The following FBXO31 variants were observed in gnomAD, a reference collection of about 807,000 sequenced individuals.
FBXO31 encodes the protein F-box protein 31.
In FBXO31, 24 loss-of-function variants were observed where a neutral mutation model predicts 54.4. The observed-to-expected ratio is 0.44, with a 90% confidence interval of 0.32 to 0.62. The LOEUF (loss-of-function observed/expected upper bound fraction) is 0.62. Among genes scored for constraint, FBXO31 ranks in the 20% least tolerant of loss-of-function variants. The pLI is 0.05. For synonymous variants in FBXO31, 388 were observed against 335.6 expected, an observed-to-expected ratio of 1.16 and a Z score of -1.71; for missense variants, 665 against 787.1, an observed-to-expected ratio of 0.84 and a Z score of 1.86.
At position 87,383,748 on chromosome 16, in the gene FBXO31, G is replaced by A. The variant is rs1202343100; in HGVS notation, c.-4C>T. The A allele has an allele frequency of 3.3e-6, 4 of 1,204,054 alleles. No individual in the cohort carries two copies. Among genetic ancestry groups the A allele is most frequent in the Admixed American group, 4.5e-5 (1 of 22,242 alleles). The allele number at this position is 1,204,054 out of a possible 1,614,324, so 74.6% of individuals were successfully genotyped here. A position where few individuals can be genotyped will look rare whatever the true frequency, so the allele number is the denominator to read the frequency against. On this transcript the variant is annotated 5_prime_UTR_variant, in exon 1 of 9. Transcript: ENST00000311635. This position sits in a 1 kb window ranked among gnomAD's most constrained non-coding sequence, Gnocchi z 4.9. ...AAAGGCGAGCACACACCGCCATGCC[G>A]CCCAGTGACGGCCACTGCTGCCGCC...
chr16:87,367,815 C>G (rs1390740159), intron 1 of FBXO31: 1 of 152,188 alleles, frequency 6.6e-6, no homozygotes, highest in African/African-American at 2.4e-5. Flanking sequence ...TTGTTTATGC[C>G]GCCTGAAGTC....
chr16:87,386,090 C>T (rs946326343), upstream of FBXO31: 1 of 151,858 alleles, frequency 6.6e-6, no homozygotes, highest in African/African-American at 2.4e-5. Context: ...AGGGAGTTTT[C>T]AAGGCAATGG....
At chr16:87,364,549 T>C (rs9937099) in intron 1 of FBXO31, among the ~76,000 whole-genome samples, 52,398 of 151,882 alleles carry the variant, frequency 0.34, 10,693 homozygotes, top group East Asian at 0.74. Flanking sequence ...AACTAACTAT[T>C]CAGGTTGAAC....
rs1905327036 is a variant in FBXO31, at chr16:87,345,098, C to A, written c.490-1333G>T. On this transcript the variant is annotated intron_variant, in intron 3 of 8. Coordinates refer to ENST00000311635, the MANE Select transcript of FBXO31 (RefSeq NM_024735.5). The surrounding 1 kb of genome is among the most constrained non-coding windows in gnomAD (Gnocchi z 4.9). Reference sequence around the variant, plus strand: ...GCCATGCATGCCAGGCCTGGAAGAACCTGTGCAGAGGCCACGGGGAGACAG... The same window carrying A: ...GCCATGCATGCCAGGCCTGGAAGAAACTGTGCAGAGGCCACGGGGAGACAG... Among the ~76,000 whole-genome samples, 1 of 152,202 alleles carries A rather than the reference C, an allele frequency of 6.6e-6. No homozygotes were observed.
At chr16:87,384,851 C>A (rs1390766264), upstream of FBXO31, among the ~76,000 whole-genome samples, 1 of 152,228 alleles carries the variant, frequency 6.6e-6, no homozygotes, top group Non-Finnish European at 1.5e-5. Flanking sequence ...CACAGCGTGA[C>A]CCTGTCTCCA....
chr16:87,379,024 G>C (rs1290679634), intron 1 of FBXO31, among the ~76,000 whole-genome samples: 2 of 151,100 alleles, frequency 1.3e-5, no homozygotes, highest in African/African-American at 4.9e-5. Flanking sequence ...TGTATCCAAA[G>C]ATATGAGAGT....
rs1041234083 is a variant in FBXO31 at position 87,345,551 on chromosome 16, C to T, written c.489+1623G>A. Among the ~76,000 whole-genome samples, 4 of 152,192 alleles carry T rather than the reference C, an allele frequency of 2.6e-5. No individual in the cohort carries two copies. The highest frequency in any genetic ancestry group is 5.9e-5 in the Non-Finnish European group (4 of 68,034). ...GGCAGGTGACCGAGAAACACAGAAA[C>T]TAAAACTACAAGCAGACATCTGCTC... is the stretch of plus-strand genomic sequence containing the variant. On this transcript the variant is annotated intron_variant, in intron 3 of 8. Transcript: ENST00000311635. This position sits in a 1 kb window ranked among gnomAD's most constrained non-coding sequence, Gnocchi z 4.9.
intron 1 of FBXO31, among the ~76,000 whole-genome samples, chr16:87,381,852 C>A (rs750939278): frequency 6.6e-6 from 1 of 152,010 alleles, no homozygotes; most frequent in African/African-American, 2.4e-5. Context: ...GTGAAACCCC[C>A]GTCTCTACTA....
rs1017263884 is a variant in FBXO31 at position 87,327,264 on chromosome 16, G to A, written c.*4024C>T. 6.6e-6 allele frequency: 1 copy of A among 152,646 alleles called. No homozygotes were observed. The highest frequency in any genetic ancestry group is 2.4e-5 in the African/African-American group (1 of 41,466). 9.5% of individuals were successfully genotyped at this position (152,646 alleles called of 1,614,324 possible). A position where few individuals can be genotyped will look rare whatever the true frequency, so the allele number is the denominator to read the frequency against. The stretch of plus-strand genomic sequence containing the variant: ...CCCTGACCCCCTCGTGCTCTGGCTG[G>A]TCTCCCGGTCAGCAGCCCCTGAGGG... On this transcript the variant is annotated 3_prime_UTR_variant, in exon 9 of 9. Coordinates refer to ENST00000311635, the MANE Select transcript of FBXO31 (RefSeq NM_024735.5).
In FBXO31 at chr16:87,338,116, G is replaced by A. The variant is rs1459554044; in HGVS notation, c.733-1852C>T. Among the ~76,000 whole-genome samples the A allele has an allele frequency of 1.3e-5, 2 of 151,940 alleles. No homozygotes were observed. The highest frequency in any genetic ancestry group is 1.9e-4 in the East Asian group (1 of 5,188). On this transcript the variant is annotated intron_variant, in intron 5 of 8. Coordinates refer to ENST00000311635, the MANE Select transcript of FBXO31 (RefSeq NM_024735.5). This position sits in a 1 kb window ranked among gnomAD's most constrained non-coding sequence, Gnocchi z 4.3. ...GATGAGCATGTGTAGCCATGACCTC[G>A]CTTTACATAAAGAGGTCCAAGCAAC...
intron 1 of FBXO31, among the ~76,000 whole-genome samples, chr16:87,363,682 G>A (rs745280): frequency 0.46 from 70,374 of 152,058 alleles, 17,544 homozygotes; most frequent in Non-Finnish European, 0.53. Context: ...TAAGTGCTAC[G>A]GGGAAATCAA....
At chr16:87,387,008 G>C (rs142216858), upstream of FBXO31, among the ~76,000 whole-genome samples, 133 of 152,210 alleles carry the variant, frequency 8.7e-4, no homozygotes, top group Middle Eastern at 3.4e-3. Flanking sequence ...ATTTAGAATA[G>C]AAAGAAAAGG....
intron 1 of FBXO31, among the ~76,000 whole-genome samples, chr16:87,369,503 G>A (rs986008152): frequency 6.6e-6 from 1 of 152,160 alleles, no homozygotes; most frequent in African/African-American, 2.4e-5. Flanking sequence ...GCATCATCAG[G>A]ATTTCCTTCC....
At chr16:87,369,928 A>G (rs1370967647) in intron 1 of FBXO31, among the ~76,000 whole-genome samples, 1 of 152,202 alleles carries the variant, frequency 6.6e-6, no homozygotes, top group African/African-American at 2.4e-5. Context: ...AAAACAGCCC[A>G]GTGACCTGAC....
chr16:87,343,712 G>T lies in FBXO31; in HGVS notation c.543C>A (p.His181Gln). 6.2e-7 allele frequency: 1 copy of T among 1,614,264 alleles called. No homozygotes were observed. Among genetic ancestry groups the T allele is most frequent in the Non-Finnish European group, 8.5e-7 (1 of 1,180,050 alleles). The change falls in exon 4 of 9, where the codon CAC (histidine) becomes CAA (glutamine). Residue 181 changes from histidine to glutamine, a missense_variant. His to Gln is a conservative substitution (Grantham distance 24, BLOSUM62 0). Transcript: ENST00000311635. ...GWMYLPPHDP[H>Q]VDDPMRFKPL... The stretch of plus-strand genomic sequence containing the variant: ...GCTTGAATCTCATAGGGTCATCGAC[G>T]TGGGGGTCATGGGGAGGCAGGTACA...
rs548400707 is a variant in FBXO31, at chr16:87,344,238, G to A, written c.490-473C>T. Among the ~76,000 whole-genome samples the A allele has an allele frequency of 1.3e-4, 20 of 152,366 alleles. No individual in the cohort carries two copies. In the South Asian group the frequency reaches 1.7e-3, roughly 13 times the overall value. On this transcript the variant is annotated intron_variant, in intron 3 of 8. Coordinates refer to ENST00000311635, the MANE Select transcript of FBXO31 (RefSeq NM_024735.5). ...CACCCCCTTTCTTAGGGCGCTGCCC[G>A]GAGGGACGGACAGCTGAAATGCCAC...
exon 1 of FBXO31, chr16:87,389,780 G>A (rs1347526394): frequency 1.3e-5 from 2 of 152,138 alleles, no homozygotes; most frequent in Non-Finnish European, 2.9e-5. Context: ...CCAACAGACT[G>A]TAGCCATCTT....
intron 1 of FBXO31, among the ~76,000 whole-genome samples, chr16:87,366,525 A>G (rs1167873473): frequency 1.3e-5 from 2 of 152,200 alleles, no homozygotes; most frequent in African/African-American, 4.8e-5. Flanking sequence ...TGAGCACTCC[A>G]GGTGTGGCAG....
intron 1 of FBXO31, among the ~76,000 whole-genome samples, chr16:87,370,671 TGCGGCCCCTGGGACACTGCTGGGTCTC>T (rs1234164724): frequency 6.6e-6 from 1 of 152,148 alleles, no homozygotes; most frequent in Non-Finnish European, 1.5e-5. Context: ...AGGCAGCCAC[TGCGGCCCCTGGGACACTGCTGGGTCTC>T]AGCCTCCCTG....
Sources: gnomAD v4.1 joint callset for allele counts (sites outside exome capture counted in the v4.1 genomes callset) on GRCh38, gnomAD v4.1.1 for gene constraint, Gnocchi (gnomAD v3.1) non-coding constraint, MANE v1.5 for transcripts, NCBI Gene and HGNC (gene_info 2026-07-23, HGNC 2026-07-21) for gene names.